The following SMARCC1 variants were observed in gnomAD, a reference collection of about 807,000 sequenced individuals.
SMARCC1 encodes the protein SWI/SNF complex subunit SMARCC1.
Under a neutral mutation model 147.4 loss-of-function variants are expected in SMARCC1, and 43 were observed. That is an observed-to-expected ratio of 0.29 (90% confidence interval 0.23 to 0.38). SMARCC1 has a LOEUF of 0.38. Ranked by LOEUF, SMARCC1 falls within the 10% of genes least tolerant of loss-of-function variation. The probability of loss-of-function intolerance (pLI) is 1.00; values close to 1 mark genes in which losing one functional copy is unlikely to be tolerated. For missense variants in SMARCC1, 1,119 were observed against 1,381.1 expected (o/e 0.81, Z 3.01); for synonymous variants, 495 against 484.4 (o/e 1.02, Z -0.29).
At chr3:47,753,941 A>G (rs2034658937) in intron 2 of SMARCC1, among the ~76,000 whole-genome samples, 1 of 152,140 alleles carries the variant, frequency 6.6e-6, no homozygotes, top group East Asian at 1.9e-4. Flanking sequence ...TTGAAAGAGA[A>G]AAAAATACAT....
At chr3:47,636,711 C>T (rs1559631292) in intron 22 of SMARCC1, among the ~76,000 whole-genome samples, 2 of 152,062 alleles carry the variant, frequency 1.3e-5, no homozygotes, top group Non-Finnish European at 2.9e-5. Context: ...CCCAAGATCA[C>T]ACCATTGCAC....
At chr3:47,779,442 C>T (rs1224451717) in intron 1 of SMARCC1, among the ~76,000 whole-genome samples, 2 of 152,140 alleles carry the variant, frequency 1.3e-5, no homozygotes, top group Non-Finnish European at 2.9e-5. Context: ...AACGCTAACA[C>T]CCAGAGACTG....
At chr3:47,597,869 G>T (rs992456074) in intron 26 of SMARCC1, among the ~76,000 whole-genome samples, 1 of 152,212 alleles carries the variant, frequency 6.6e-6, no homozygotes, top group East Asian at 1.9e-4. Flanking sequence ...TCTGACTGCT[G>T]GGAGTGTGAA....
Position 47,629,787 on chromosome 3 carries a change from A to G in SMARCC1, c.2646+5403T>C, listed in dbSNP as rs79089046. The stretch of plus-strand genomic sequence containing the variant: ...AGTGACTCTAGTCAATGCGACATGG[A>G]GCACATTTTACCAGCTAAACCTGCC... On this transcript the variant is annotated intron_variant, in intron 24 of 27. Coordinates refer to ENST00000254480, the MANE Select transcript of SMARCC1 (RefSeq NM_003074.4). Among the ~76,000 whole-genome samples the G allele has an allele frequency of 2.5e-3, 379 of 152,242 alleles. 1 individual carries two copies. Among genetic ancestry groups the G allele is most frequent in the African/African-American group, 8.7e-3 (360 of 41,536 alleles).
rs113335482 is a variant in SMARCC1, at chr3:47,711,062, T to C, written c.793-254A>G. Among the ~76,000 whole-genome samples, 6 of 152,376 alleles carry C rather than the reference T, an allele frequency of 3.9e-5. 1 individual carries two copies. Among genetic ancestry groups the C allele is most frequent in the African/African-American group, 1.4e-4 (6 of 41,596 alleles). ...ATAGCAAAGTCCCTCAAATTTGTTTTGCTTAATCATTTCATCCTTATGTTC... is the reference window on the plus strand; with the variant it reads ...ATAGCAAAGTCCCTCAAATTTGTTTCGCTTAATCATTTCATCCTTATGTTC... On this transcript the variant is annotated intron_variant, in intron 8 of 27. Coordinates refer to ENST00000254480, the MANE Select transcript of SMARCC1 (RefSeq NM_003074.4).
chr3:47,631,080 G>A (rs769095657), intron 24 of SMARCC1, among the ~76,000 whole-genome samples: 62 of 151,858 alleles, frequency 4.1e-4, no homozygotes, highest in Non-Finnish European at 6.8e-4. Flanking sequence ...GCAAGCAAGA[G>A]AGTGAGAGAA....
At chr3:47,672,087 C>A (rs1403054199) in intron 18 of SMARCC1, among the ~76,000 whole-genome samples, 4 of 152,106 alleles carry the variant, frequency 2.6e-5, no homozygotes, top group African/African-American at 9.7e-5. Flanking sequence ...AGTCTTTGAA[C>A]TAAAGAATAA....
chr3:47,708,083 C>CTTTTTTTTTT lies in SMARCC1; in HGVS notation c.919-1563_919-1554dup, dbSNP rs915291740. ...GTAAATCTGAAGTTGAATTTTTTTT[C>CTTTTTTTTTT]TTTTTTTTTTTTTTTTTTTTTTTTT... On this transcript the variant is annotated intron_variant, in intron 9 of 27. Transcript: ENST00000254480. 2.6e-4 allele frequency among the ~76,000 whole-genome samples: 17 copies of CTTTTTTTTTT among 64,276 alleles called. 2 individuals carry two copies. The highest frequency in any genetic ancestry group is 7.3e-4 in the African/African-American group (11 of 15,072). The allele number at this position is 64,276 out of a possible 152,430, so 42.2% of individuals were successfully genotyped here.
intron 14 of SMARCC1, 34 bp downstream of exon 14, chr3:47,686,015 G>T (rs2033717885): frequency 1.2e-6 from 2 of 1,605,506 alleles, no homozygotes; most frequent in Non-Finnish European, 1.7e-6. Flanking sequence ...GTACTGCTCA[G>T]TACCATGCTC....
At chr3:47,625,387 A>G (rs913844301) in intron 24 of SMARCC1, among the ~76,000 whole-genome samples, 5 of 152,140 alleles carry the variant, frequency 3.3e-5, no homozygotes, top group African/African-American at 1.2e-4. Context: ...GGCACACACC[A>G]CCACACCCAG....
At chr3:47,742,034 G>A (rs1027581164) in intron 3 of SMARCC1, among the ~76,000 whole-genome samples, 1 of 151,710 alleles carries the variant, frequency 6.6e-6, no homozygotes, top group Non-Finnish European at 1.5e-5. Flanking sequence ...TGGTTCTATT[G>A]TTGTCTTGCC....
At chr3:47,748,080 C>T (rs1292853997) in intron 2 of SMARCC1, among the ~76,000 whole-genome samples, 1 of 152,072 alleles carries the variant, frequency 6.6e-6, no homozygotes, top group African/African-American at 2.4e-5. Flanking sequence ...ATCGCTTGAA[C>T]CCAGGGGCAG....
intron 11 of SMARCC1, among the ~76,000 whole-genome samples, chr3:47,694,522 C>T (rs113369573): frequency 6.6e-6 from 1 of 152,162 alleles, no homozygotes; most frequent in South Asian, 2.1e-4. Flanking sequence ...ATCACTTGAA[C>T]CCGGGAGGTG....
intron 21 of SMARCC1, among the ~76,000 whole-genome samples, chr3:47,644,342 C>T (rs2033090580): frequency 1.3e-5 from 2 of 151,870 alleles, no homozygotes; most frequent in South Asian, 4.2e-4. Context: ...AAATGAAAAA[C>T]AAAATTAGCT....
chr3:47,749,556 A>C (rs2034602864), intron 2 of SMARCC1, among the ~76,000 whole-genome samples: 1 of 151,686 alleles, frequency 6.6e-6, no homozygotes, highest in African/African-American at 2.4e-5. Flanking sequence ...GGTCCCAGCA[A>C]CTCAGGAGGC....
intron 24 of SMARCC1, among the ~76,000 whole-genome samples, chr3:47,625,199 C>T (rs2032790958): frequency 6.7e-6 from 1 of 149,600 alleles, no homozygotes; most frequent in African/African-American, 2.5e-5. Flanking sequence ...GTGGCTCATG[C>T]CTGTAATCCC....
chr3:47,588,144 A>G lies in SMARCC1; in HGVS notation c.*65T>C, dbSNP rs780767147. 8.8e-5 allele frequency: 113 copies of G among 1,288,980 alleles called. No individual in the cohort carries two copies. The highest frequency in any genetic ancestry group is 1.2e-4 in the Non-Finnish European group (109 of 901,410). 79.8% of individuals were successfully genotyped at this position (1,288,980 alleles called of 1,614,324 possible). A position where few individuals can be genotyped will look rare whatever the true frequency, so the allele number is the denominator to read the frequency against. On this transcript the variant is annotated 3_prime_UTR_variant, in exon 28 of 28. Transcript: ENST00000254480. ...AAGAAACCCAAGAAAGTTGAGGAAC[A>G]CAAGTCTTGTCATCCCCACTCCAGC...
At chr3:47,669,740 CA>C (rs1485203411) in intron 19 of SMARCC1, among the ~76,000 whole-genome samples, 1 of 151,908 alleles carries the variant, frequency 6.6e-6, no homozygotes, top group Non-Finnish European at 1.5e-5. Context: ...AAGAGGAATA[CA>C]AAAAAGAAAT....
intron 12 of SMARCC1, among the ~76,000 whole-genome samples, chr3:47,692,960 G>C (rs2033808188): frequency 6.6e-6 from 1 of 152,080 alleles, no homozygotes; most frequent in African/African-American, 2.4e-5. Context: ...AGAGGTTGCA[G>C]TGAGCCCTGG....
Sources: allele counts gnomAD v4.1 joint callset (sites outside exome capture counted in the v4.1 genomes callset), GRCh38; gene constraint gnomAD v4.1.1; transcripts MANE v1.5; gene names NCBI Gene and HGNC (gene_info 2026-07-23, HGNC 2026-07-21).